ZNF713: variants seen among roughly 807,000 people sequenced by gnomAD.
ZNF713 encodes the protein zinc finger protein 713.
A neutral mutation model predicts 28.7 loss-of-function variants in ZNF713; 21 were observed. The observed-to-expected ratio is 0.73, with a 90% confidence interval of 0.52 to 1.05. The LOEUF (loss-of-function observed/expected upper bound fraction) is 1.05, where lower values mean the gene tolerates loss of function less well. ZNF713 is among the 50% of genes least tolerant of loss of function. The probability of loss-of-function intolerance (pLI) is 0.00; values close to 1 mark genes in which losing one functional copy is unlikely to be tolerated. For missense variants in ZNF713, 458 were observed against 532.4 expected (o/e 0.86, Z 1.37); for synonymous variants, 167 against 178.0 (o/e 0.94, Z 0.49).
At chr7:55,921,956 C>T (rs1282676785) in intron 4 of ZNF713, among the ~76,000 whole-genome samples, 2 of 152,088 alleles carry the variant, frequency 1.3e-5, no homozygotes, top group Non-Finnish European at 1.5e-5. Flanking sequence ...AACAGAGTCT[C>T]GCTGTGTCGC....
intron 5 of ZNF713, 137 bp downstream of exon 5, chr7:55,923,425 C>T (rs1786031741): frequency 1.6e-6 from 2 of 1,245,658 alleles, no homozygotes; most frequent in Admixed American, 5.0e-5. Flanking sequence ...AGTCAAAGAC[C>T]TTTGTTTTCT....
At chr7:55,908,840 G>C (rs187257014) in intron 2 of ZNF713, among the ~76,000 whole-genome samples, 2 of 151,952 alleles carry the variant, frequency 1.3e-5, no homozygotes, top group African/African-American at 4.8e-5. Context: ...TTTCTTCCAG[G>C]TTTCTTATAG....
intron 1 of ZNF713, among the ~76,000 whole-genome samples, chr7:55,895,096 G>A (rs193205867): frequency 1.2e-3 from 185 of 152,254 alleles, no homozygotes; most frequent in Non-Finnish European, 2.0e-3. Context: ...GTAGAGAGGG[G>A]TATAGGAAAG....
chr7:55,890,558 G>C (rs1403436981), intron 1 of ZNF713, among the ~76,000 whole-genome samples: 1 of 151,832 alleles, frequency 6.6e-6, no homozygotes, highest in Admixed American at 6.6e-5. Context: ...ATATAATTTA[G>C]TCCATAACAG....
chr7:55,936,656 C>A (rs1786353705), intron 6 of ZNF713, among the ~76,000 whole-genome samples: 1 of 152,078 alleles, frequency 6.6e-6, no homozygotes, highest in African/African-American at 2.4e-5. Flanking sequence ...CTTAAATGGC[C>A]TTTGTGGGTC....
At chr7:55,933,958 G>A (rs1423141155) in intron 6 of ZNF713, among the ~76,000 whole-genome samples, 5 of 152,128 alleles carry the variant, frequency 3.3e-5, no homozygotes, top group Admixed American at 3.3e-4. Context: ...GCCCACCTTG[G>A]CCTCCCAAAG....
chr7:55,937,783 T>C (rs1461820611), intron 6 of ZNF713, among the ~76,000 whole-genome samples: 2 of 151,954 alleles, frequency 1.3e-5, no homozygotes, highest in Non-Finnish European at 2.9e-5. Flanking sequence ...GGCACACACC[T>C]GTAGTCCTAG....
At chr7:55,926,261 G>C (rs1786092639) in intron 6 of ZNF713, among the ~76,000 whole-genome samples, 1 of 152,292 alleles carries the variant, frequency 6.6e-6, no homozygotes, top group East Asian at 1.9e-4. Flanking sequence ...AGTGAGCCAA[G>C]ATTGTGCCAC....
At chr7:55,903,795 G>C (rs1360627089) in intron 1 of ZNF713, among the ~76,000 whole-genome samples, 3 of 152,042 alleles carry the variant, frequency 2.0e-5, no homozygotes, top group Non-Finnish European at 4.4e-5. Flanking sequence ...GTGGATGGAG[G>C]GCACATGGCA....
intron 4 of ZNF713, among the ~76,000 whole-genome samples, chr7:55,922,143 T>G (rs1786004029): frequency 6.8e-6 from 1 of 146,850 alleles, no homozygotes; most frequent in Non-Finnish European, 1.5e-5. Flanking sequence ...GCCAGGCTGG[T>G]CTCAAACTCC....
chr7:55,924,011 TA>T (rs944624878), intron 6 of ZNF713: 1 of 172,238 alleles, frequency 5.8e-6, no homozygotes, highest in Non-Finnish European at 1.2e-5. Context: ...TTGTATTTTT[TA>T]TTTACACATC....
chr7:55,913,716 C>T (rs1785830104), intron 4 of ZNF713, among the ~76,000 whole-genome samples: 1 of 152,136 alleles, frequency 6.6e-6, no homozygotes, highest in African/African-American at 2.4e-5. Context: ...AAATATTTGC[C>T]ACGTGTCAGT....
chr7:55,912,416 A>G (rs1473213374), intron 3 of ZNF713, among the ~76,000 whole-genome samples: 1 of 152,176 alleles, frequency 6.6e-6, no homozygotes, highest in Non-Finnish European at 1.5e-5. Context: ...GAGCTCCCCT[A>G]TGCCACAACA....
chr7:55,898,318 A>G (rs1785510293), intron 1 of ZNF713, among the ~76,000 whole-genome samples: 1 of 152,234 alleles, frequency 6.6e-6, no homozygotes, highest in African/African-American at 2.4e-5. Context: ...AATGTTTGCA[A>G]ACGATACATC....
chr7:55,916,936 C>T (rs1400175067), intron 4 of ZNF713, among the ~76,000 whole-genome samples: 2 of 152,092 alleles, frequency 1.3e-5, no homozygotes, highest in East Asian at 1.9e-4. Context: ...CAAAAGCGGC[C>T]GGGCGCAGTG....
chr7:55,898,922 T>A (rs1488658293), intron 1 of ZNF713, among the ~76,000 whole-genome samples: 1 of 152,130 alleles, frequency 6.6e-6, no homozygotes, highest in East Asian at 1.9e-4. Context: ...CACTCACCCC[T>A]GTTAGAATGG....
rs1562751630 is a variant in ZNF713 at position 55,940,033 on chromosome 7, A to G, written c.*27A>G. The G allele has an allele frequency of 5.3e-6, 8 of 1,523,464 alleles. No homozygotes were observed. The highest frequency in any genetic ancestry group is 6.2e-6 in the Non-Finnish European group (7 of 1,138,184). 94.4% of individuals were successfully genotyped at this position (1,523,464 alleles called of 1,614,324 possible). A position where few individuals can be genotyped will look rare whatever the true frequency, so the allele number is the denominator to read the frequency against. On this transcript the variant is annotated 3_prime_UTR_variant, in exon 7 of 7. Transcript: ENST00000429591. Reference sequence around the variant, plus strand: ...TTATGGTGGGGGAAATCAGATAAATATATAAATGTAGGAGATTTTTTGGTC... The same window carrying G: ...TTATGGTGGGGGAAATCAGATAAATGTATAAATGTAGGAGATTTTTTGGTC...
At chr7:55,929,226 T>A (rs1306241945) in intron 6 of ZNF713, among the ~76,000 whole-genome samples, 1 of 152,008 alleles carries the variant, frequency 6.6e-6, no homozygotes, top group Non-Finnish European at 1.5e-5. Context: ...ACAAAAATTA[T>A]CAAGAAAATT....
intron 1 of ZNF713, among the ~76,000 whole-genome samples, chr7:55,891,143 A>C (rs1785374130): frequency 6.6e-6 from 1 of 152,228 alleles, no homozygotes; most frequent in Admixed American, 6.5e-5. Flanking sequence ...TTCATCAGCA[A>C]ATAAATGTGG....
Sources: gnomAD v4.1 joint callset for allele counts (sites outside exome capture counted in the v4.1 genomes callset) on GRCh38, gnomAD v4.1.1 for gene constraint, MANE v1.5 for transcripts, NCBI Gene and HGNC (gene_info 2026-07-23, HGNC 2026-07-21) for gene names.